VANGL1: variants seen among roughly 807,000 people sequenced by gnomAD.
VANGL1 encodes VANGL planar cell polarity protein 1.
Under a neutral mutation model 48.4 loss-of-function variants are expected in VANGL1, and 18 were observed. The observed-to-expected ratio is 0.37, with a 90% confidence interval of 0.26 to 0.55. VANGL1 has a LOEUF of 0.55. VANGL1 is among the 20% of genes least tolerant of loss of function. VANGL1 has a pLI of 0.81. For missense variants in VANGL1, 667 were observed against 675.8 expected, an observed-to-expected ratio of 0.99 and a Z score of 0.14; for synonymous variants, 257 against 261.8, an observed-to-expected ratio of 0.98 and a Z score of 0.18.
At chr1:115,680,441 C>T (rs1477087735) in intron 4 of VANGL1, among the ~76,000 whole-genome samples, 6 of 152,282 alleles carry the variant, frequency 3.9e-5, no homozygotes, top group East Asian at 1.9e-4. Flanking sequence ...GACGAGTGAA[C>T]AACTGAGTAA....
In VANGL1 at chr1:115,696,527, A is replaced by C. The variant is rs985115586; in HGVS notation, c.*5148A>C. On this transcript the variant is annotated 3_prime_UTR_variant, in exon 8 of 8. Transcript: ENST00000355485. ...CTGCTGTTTGCTTTCAATGGAAGAC[A>C]GTAAAGGGAAGATGGTGCTCACATC... 6.6e-5 allele frequency: 10 copies of C among 152,244 alleles called. No homozygotes were observed. Among genetic ancestry groups the C allele is most frequent in the African/African-American group, 1.9e-4 (8 of 41,466 alleles). The allele number at this position is 152,244 out of a possible 1,614,324, so 9.4% of individuals were successfully genotyped here.
chr1:115,664,816 T>C (rs931203665), intron 4 of VANGL1, among the ~76,000 whole-genome samples: 3 of 152,202 alleles, frequency 2.0e-5, no homozygotes, highest in African/African-American at 4.8e-5. Flanking sequence ...TGAAAATGTA[T>C]GCGTGAGAAA....
chr1:115,685,622 C>T (rs1246764159), intron 7 of VANGL1, 95 bp downstream of exon 7: 20 of 1,230,198 alleles, frequency 1.6e-5, no homozygotes, highest in South Asian at 2.6e-5. Context: ...GTGATAAAAT[C>T]GAAAGGCATC....
Position 115,697,303 on chromosome 1 carries a change from T to C in VANGL1, c.*5924T>C, listed in dbSNP as rs993732752. ...TTCATTTACCAGCACCTCTCAGTTA[T>C]AGAGGTAATGGAACATTCGCTTACT... On this transcript the variant is annotated 3_prime_UTR_variant, in exon 8 of 8. Transcript: ENST00000355485. 2.6e-5 allele frequency: 4 copies of C among 152,320 alleles called. No homozygotes were observed. Among genetic ancestry groups the C allele is most frequent in the East Asian group, 1.9e-4 (1 of 5,188 alleles). 9.4% of individuals were successfully genotyped at this position (152,320 alleles called of 1,614,324 possible).
At chr1:115,661,660 C>T (rs1172836255) in intron 3 of VANGL1, among the ~76,000 whole-genome samples, 1 of 151,974 alleles carries the variant, frequency 6.6e-6, no homozygotes, top group South Asian at 2.1e-4. Context: ...TTCTGTCGCC[C>T]AGGCTGGAGT....
chr1:115,656,277 C>T (rs1652352071), intron 2 of VANGL1, among the ~76,000 whole-genome samples: 1 of 152,236 alleles, frequency 6.6e-6, no homozygotes, highest in African/African-American at 2.4e-5. Context: ...GCATTACACT[C>T]ATGGCTCCCA....
At chr1:115,662,894 C>T (rs1210361024) in intron 3 of VANGL1, among the ~76,000 whole-genome samples, 2 of 151,382 alleles carry the variant, frequency 1.3e-5, no homozygotes, top group East Asian at 1.9e-4. Flanking sequence ...TCAAGCGATT[C>T]TCCTGCCTCA....
rs1193475064 is a variant in VANGL1 at position 115,665,819 on chromosome 1, CA to C, written c.812+1552del. Among the ~76,000 whole-genome samples the C allele has an allele frequency of 5.9e-5, 9 of 152,190 alleles. No individual in the cohort carries two copies. The East Asian group carries it at 1.7e-3, about 29-fold the overall frequency. ...CCCATGTTTTGCATCAGGGAATGACCAGCAGTTTTGTGTTAAACATCTGCTG... is the reference window on the plus strand; with the variant it reads ...CCCATGTTTTGCATCAGGGAATGACCGCAGTTTTGTGTTAAACATCTGCTG... On this transcript the variant is annotated intron_variant, in intron 4 of 7. Coordinates refer to ENST00000355485, the MANE Select transcript of VANGL1 (RefSeq NM_138959.3).
In VANGL1 at chr1:115,692,754, G is replaced by A. The variant is rs1343968922; in HGVS notation, c.*1375G>A. The stretch of plus-strand genomic sequence containing the variant: ...CCTGGCGGAGCCCTGCTGCAGGGGA[G>A]CTCCTTCAGGAGCCCCATCCGGACC... On this transcript the variant is annotated 3_prime_UTR_variant, in exon 8 of 8. Transcript: ENST00000355485. The A allele has an allele frequency of 6.6e-6, 1 of 152,336 alleles. No homozygotes were observed. The highest frequency in any genetic ancestry group is 1.5e-5 in the Non-Finnish European group (1 of 68,076). 9.4% of individuals were successfully genotyped at this position (152,336 alleles called of 1,614,324 possible).
chr1:115,652,632 G>A (rs1306447170), intron 2 of VANGL1, among the ~76,000 whole-genome samples: 3 of 152,150 alleles, frequency 2.0e-5, no homozygotes, highest in Non-Finnish European at 4.4e-5. Context: ...CAGCCCAAAT[G>A]CCCAGCTCTG....
chr1:115,676,739 G>A (rs1653181803), intron 4 of VANGL1, among the ~76,000 whole-genome samples: 1 of 152,176 alleles, frequency 6.6e-6, no homozygotes, highest in Non-Finnish European at 1.5e-5. Context: ...CCTGCCTTAG[G>A]GCGATGCCGA....
At chr1:115,679,657 C>T (rs1165402896) in intron 4 of VANGL1, among the ~76,000 whole-genome samples, 1 of 152,250 alleles carries the variant, frequency 6.6e-6, no homozygotes, top group African/African-American at 2.4e-5. Flanking sequence ...AATGGGATTC[C>T]CTTGACCCCT....
chr1:115,684,548 A>G (rs1160208611), intron 6 of VANGL1, among the ~76,000 whole-genome samples: 6 of 152,202 alleles, frequency 3.9e-5, no homozygotes, highest in Admixed American at 3.9e-4. Context: ...GTGTTTCTCA[A>G]ACTGAAGCCT....
chr1:115,666,725 C>T (rs1476850171), intron 4 of VANGL1, among the ~76,000 whole-genome samples: 1 of 152,172 alleles, frequency 6.6e-6, no homozygotes, highest in Non-Finnish European at 1.5e-5. Flanking sequence ...CTCTCCCTGC[C>T]TTTAATAAGG....
At position 115,687,943 on chromosome 1, in the gene VANGL1, T is replaced by C. The variant is rs1310673491; in HGVS notation, c.1314+2416T>C. On this transcript the variant is annotated intron_variant, in intron 7 of 7. Coordinates refer to ENST00000355485, the MANE Select transcript of VANGL1 (RefSeq NM_138959.3). ...CTATATATATCATTCATTAGGTAGA[T>C]AGATAGATAGATAGATAGATAGATA... Among the ~76,000 whole-genome samples the C allele has an allele frequency of 4.2e-5, 3 of 71,124 alleles. 1 individual carries two copies. Among genetic ancestry groups the C allele is most frequent in the African/African-American group, 6.0e-5 (1 of 16,662 alleles). 46.7% of individuals were successfully genotyped at this position (71,124 alleles called of 152,430 possible).
chr1:115,663,829 C>T lies in VANGL1; in HGVS notation c.373C>T (p.Leu125Phe), dbSNP rs762374771. The T allele has an allele frequency of 3.1e-6, 5 of 1,614,202 alleles. No homozygotes were observed. The highest frequency in any genetic ancestry group is 4.2e-6 in the Non-Finnish European group (5 of 1,180,040). ...CTCTTTTCTTGGACTTCTAGTTTTC[C>T]TCACCCCTATTGCCTTCATCCTTTT... ...VASFLGLLVFLTPIAFILLPP... is the reference protein window; with the variant it reads ...VASFLGLLVFFTPIAFILLPP... The change falls in exon 4 of 8, where the codon CTC (leucine) becomes TTC (phenylalanine). Residue 125 changes from leucine (L) to phenylalanine (F), a missense_variant. Coordinates refer to ENST00000355485, the MANE Select transcript of VANGL1 (RefSeq NM_138959.3).
Position 115,692,023 on chromosome 1 carries a change from C to G in VANGL1, c.*644C>G, listed in dbSNP as rs1156985536. 1 of 152,992 alleles carries G rather than the reference C, an allele frequency of 6.5e-6. No homozygotes were observed. Among genetic ancestry groups the G allele is most frequent in the East Asian group, 1.9e-4 (1 of 5,208 alleles). 9.5% of individuals were successfully genotyped at this position (152,992 alleles called of 1,614,324 possible). A position where few individuals can be genotyped will look rare whatever the true frequency, so the allele number is the denominator to read the frequency against. On this transcript the variant is annotated 3_prime_UTR_variant, in exon 8 of 8. Coordinates refer to ENST00000355485, the MANE Select transcript of VANGL1 (RefSeq NM_138959.3). ...TACCTGCCCTGTTTCTGATCCCACC[C>G]CTCTGCTGGCTTGAAGCAGGTAACC... is the stretch of plus-strand genomic sequence containing the variant.
intron 3 of VANGL1, among the ~76,000 whole-genome samples, chr1:115,662,213 T>C (rs1329755854): frequency 8.1e-6 from 1 of 123,738 alleles, no homozygotes; most frequent in Non-Finnish European, 1.8e-5. Context: ...ATACATTTCA[T>C]AAATCATGGT....
intron 4 of VANGL1, among the ~76,000 whole-genome samples, chr1:115,665,354 T>A (rs1485015516): frequency 6.6e-6 from 1 of 152,262 alleles, no homozygotes; most frequent in African/African-American, 2.4e-5. Flanking sequence ...TATATGCTGA[T>A]GTGTGTAGCC....
Sources: gnomAD v4.1 joint callset for allele counts (sites outside exome capture counted in the v4.1 genomes callset) on GRCh38, gnomAD v4.1.1 for gene constraint, MANE v1.5 for transcripts, NCBI Gene and HGNC (gene_info 2026-07-23, HGNC 2026-07-21) for gene names.